Variants in BSG observed in about 807,000 individuals in gnomAD.
The protein encoded by BSG is basigin.
BSG carries 37 observed loss-of-function variants against 43.1 expected under a neutral mutation model. That is an observed-to-expected ratio of 0.86 (90% confidence interval 0.66 to 1.13). The LOEUF is 1.13. Ranked by LOEUF, BSG falls within the 50% of genes most tolerant of loss-of-function variation. BSG has a pLI of 0.00. For missense variants in BSG, 599 were observed against 554.2 expected (o/e 1.08, Z -0.81); for synonymous variants, 309 against 238.7 (o/e 1.29, Z -2.72).
In BSG at chr19:577,868, C is replaced by A. The variant is rs761283361; in HGVS notation, c.162C>A (p.Ile54=). The change falls in exon 2 of 9, where the codon ATC becomes ATA. Residue 54 remains isoleucine, a synonymous_variant. Transcript: ENST00000333511. ...CEAVGSPVPE[I]QWWFEGQGPN... ...CCGTGGGCAGCCCGGTGCCCGAGATCCAGTGGTGGTTTGAAGGGCAGGGTC... is the reference window on the plus strand; with the variant it reads ...CCGTGGGCAGCCCGGTGCCCGAGATACAGTGGTGGTTTGAAGGGCAGGGTC... The A allele has an allele frequency of 1.3e-6, 2 of 1,566,974 alleles. No individual in the cohort carries two copies. The highest frequency in any genetic ancestry group is 3.6e-5 in the Admixed American group (2 of 55,744).
chr19:576,685 C>T (rs984241790), intron 1 of BSG, among the ~76,000 whole-genome samples: 12 of 151,618 alleles, frequency 7.9e-5, no homozygotes, highest in Non-Finnish European at 1.2e-4. Flanking sequence ...TGCTTGAACC[C>T]GGGAGGCAGA....
intron 5 of BSG, 46 bp downstream of exon 5, chr19:580,828 C>G: frequency 6.4e-7 from 1 of 1,563,226 alleles, no homozygotes; most frequent in East Asian, 2.3e-5. Flanking sequence ...GCCCTCAGGA[C>G]TGGGTGAGAG....
chr19:580,598 G>T (rs1032807073), intron 4 of BSG, 48 bp from the exon 5 acceptor site: 1 of 1,609,244 alleles, frequency 6.2e-7, no homozygotes, highest in Non-Finnish European at 8.5e-7. Flanking sequence ...GGCCGGGGAT[G>T]GGGGCGGGCC....
upstream of BSG, chr19:571,562 C>A (rs1393777936): frequency 3.8e-6 from 3 of 779,602 alleles, no homozygotes; most frequent in Non-Finnish European, 7.2e-6. Context: ...AGCAGTCGGA[C>A]GCGTCTCCCC....
chr19:578,141 C>T lies in BSG; in HGVS notation c.415+20C>T, dbSNP rs762879508. On this transcript the variant is annotated intron_variant, in intron 2 of 8. Coordinates refer to ENST00000333511, the MANE Select transcript of BSG (RefSeq NM_001728.4). ...TGGAACGTGAGTGGCGGGCACCTCC[C>T]TCCCCGCCTCCCTCAGTTTCCCTCC... 1.3e-6 allele frequency: 2 copies of T among 1,508,222 alleles called. No homozygotes were observed. Among genetic ancestry groups the T allele is most frequent in the Non-Finnish European group, 1.8e-6 (2 of 1,123,136 alleles). 93.4% of individuals were successfully genotyped at this position (1,508,222 alleles called of 1,614,324 possible). A position where few individuals can be genotyped will look rare whatever the true frequency, so the allele number is the denominator to read the frequency against.
chr19:579,125 C>G (rs141583892), intron 2 of BSG: 1 of 468,778 alleles, frequency 2.1e-6, no homozygotes, highest in Non-Finnish European at 4.2e-6. Context: ...TGCTCAGGGA[C>G]GTGGGTGGGT....
chr19:572,454 G>A (rs1981325066), upstream of BSG: 13 of 1,154,608 alleles, frequency 1.1e-5, no homozygotes, highest in Non-Finnish European at 1.4e-5. Context: ...GAGCCGGCGC[G>A]TACATGCGAG....
intron 1 of BSG, among the ~76,000 whole-genome samples, chr19:574,424 G>T (rs1478597592): frequency 6.6e-6 from 1 of 152,112 alleles, no homozygotes; most frequent in African/African-American, 2.4e-5. Context: ...GTGGTGGCGG[G>T]CGCCTGTAGT....
At position 582,468 on chromosome 19, in the gene BSG, A is replaced by G. The variant is rs2074962; in HGVS notation, c.1095-46A>G. 0.49 allele frequency: 780,006 copies of G among 1,596,394 alleles called. 203,009 individuals are homozygous for G. Among genetic ancestry groups the G allele is most frequent in the African/African-American group, 0.83 (62,447 of 74,792 alleles). Reference sequence around the variant, plus strand: ...GGGTGGGCAGGGGTGACTTGGAGAGAGTGACTTGCGGGGGACACCCTCTCA... The same window carrying G: ...GGGTGGGCAGGGGTGACTTGGAGAGGGTGACTTGCGGGGGACACCCTCTCA... On this transcript the variant is annotated intron_variant, in intron 7 of 8. Coordinates refer to ENST00000333511, the MANE Select transcript of BSG (RefSeq NM_001728.4).
intron 1 of BSG, among the ~76,000 whole-genome samples, chr19:577,211 C>T (rs1366644888): frequency 6.6e-6 from 1 of 152,004 alleles, no homozygotes; most frequent in African/African-American, 2.4e-5. Flanking sequence ...GTGAGAGGCC[C>T]TGAGGCCCTG....
At chr19:575,605 TGGGTGGGGAGGAGGGC>T (rs1163449186) in intron 1 of BSG, among the ~76,000 whole-genome samples, 2 of 2,124 alleles carry the variant, frequency 9.4e-4, no homozygotes, top group Admixed American at 8.9e-3. Flanking sequence ...AGCACTGGGG[TGGGTGGGGAGGAGGGC>T]GGGTGGGGGC....
At chr19:576,858 C>T (rs1406277318) in intron 1 of BSG, among the ~76,000 whole-genome samples, 1 of 152,248 alleles carries the variant, frequency 6.6e-6, no homozygotes, top group Non-Finnish European at 1.5e-5. Context: ...TTCCTGTCCC[C>T]GTGGCCTTGG....
At chr19:572,564 C>T (rs923076459), upstream of BSG, 4 of 1,415,276 alleles carry the variant, frequency 2.8e-6, no homozygotes, top group South Asian at 3.0e-5. Context: ...GCGCCTCCGC[C>T]GCTTTTTATA....
In BSG at chr19:582,590, G is replaced by T; in HGVS notation, c.*5+8G>T. On this transcript the variant is annotated splice_region_variant and intron_variant, in intron 8 of 8. Transcript: ENST00000333511. ...GAACTCTTCCTGAGGCAGGTGCGGT[G>T]GGCGGGAGCTCCTCCTGAGCCAGGT... The T allele has an allele frequency of 6.3e-7, 1 of 1,578,718 alleles. No individual in the cohort carries two copies. Among genetic ancestry groups the T allele is most frequent in the East Asian group, 2.3e-5 (1 of 43,482 alleles).
chr19:578,301 C>G (rs1981966962), intron 2 of BSG, 180 bp downstream of exon 2: 2 of 593,870 alleles, frequency 3.4e-6, no homozygotes, highest in Non-Finnish European at 5.4e-6. Flanking sequence ...GCCGCCTGAC[C>G]ACCAGCGCTG....
At chr19:572,463 AGCGTGTGC>A (rs1568345482), upstream of BSG, 1 of 1,161,436 alleles carries the variant, frequency 8.6e-7, no homozygotes, top group Non-Finnish European at 1.1e-6. Flanking sequence ...CGTACATGCG[AGCGTGTGC>A]GCGCGTGCGC....
chr19:571,596 C>G (rs367551452), upstream of BSG: 83 of 779,614 alleles, frequency 1.1e-4, no homozygotes, highest in African/African-American at 1.3e-3. Flanking sequence ...GCCAGCCTCT[C>G]CTGAAACAGA....
At position 572,618 on chromosome 19, in the gene BSG, G is replaced by C. The variant is rs753528572; in HGVS notation, c.-17G>C. 4.7e-6 allele frequency: 7 copies of C among 1,491,676 alleles called. No homozygotes were observed. The highest frequency in any genetic ancestry group is 1.7e-4 in the Middle Eastern group (1 of 5,794). The allele number at this position is 1,491,676 out of a possible 1,614,324, so 92.4% of individuals were successfully genotyped here. A position where few individuals can be genotyped will look rare whatever the true frequency, so the allele number is the denominator to read the frequency against. ...GGCAGCGGTTGGAGGTTGTAGGACC[G>C]GCGAGGAATAGGAATCATGGCGGCT... On this transcript the variant is annotated 5_prime_UTR_variant, in exon 1 of 9. Transcript: ENST00000333511.
upstream of BSG, chr19:571,698 T>C (rs1981252683): frequency 1.4e-6 from 1 of 721,990 alleles, no homozygotes; most frequent in African/African-American, 1.7e-5. Flanking sequence ...CCACTTTACT[T>C]GTACGGAAGG....
Sources: allele counts gnomAD v4.1 joint callset (sites outside exome capture counted in the v4.1 genomes callset), GRCh38; gene constraint gnomAD v4.1.1; transcripts MANE v1.5; gene names NCBI Gene and HGNC (gene_info 2026-07-23, HGNC 2026-07-21).